DIP2B: variants seen among roughly 807,000 people sequenced by gnomAD.
DIP2B encodes DIP2 acetate--CoA ligase B (putative).
Under a neutral mutation model 198.0 loss-of-function variants are expected in DIP2B, and 76 were observed. The ratio of observed to expected loss-of-function variants is 0.38; its 90% CI spans 0.32 to 0.46. DIP2B has a LOEUF of 0.46. DIP2B is among the 20% of genes least tolerant of loss of function. The pLI is 0.99. For synonymous variants in DIP2B, 701 were observed against 739.1 expected, an observed-to-expected ratio of 0.95 and a Z score of 0.84; for missense variants, 1,559 against 1,978.4, an observed-to-expected ratio of 0.79 and a Z score of 4.02.
chr12:50,735,198 G>GGGCCGGGCGCGGTGGCTCACGCCTGT, intron 34 of DIP2B, 68 bp downstream of exon 34: 1 of 1,563,208 alleles, frequency 6.4e-7, no homozygotes, highest in Admixed American at 1.7e-5. Context: ...AAAGAAACCA[G>GGGCCGGGCGCGGTGGCTCACGCCTGT]AAGCCATATA....
chr12:50,552,750 T>C (rs950759308), intron 1 of DIP2B, among the ~76,000 whole-genome samples: 2 of 152,154 alleles, frequency 1.3e-5, no homozygotes, highest in Non-Finnish European at 2.9e-5. Flanking sequence ...ATTATTAAGC[T>C]TTTCTTCCAT....
Position 50,716,296 on chromosome 12 carries a change from A to G in DIP2B, c.2851+1700A>G, listed in dbSNP as rs541095665. Among the ~76,000 whole-genome samples the G allele has an allele frequency of 6.6e-5, 10 of 152,330 alleles. No homozygotes were observed. In the South Asian group the frequency reaches 1.2e-3, roughly 19 times the overall value. On this transcript the variant is annotated intron_variant, in intron 23 of 37. Coordinates refer to ENST00000301180, the MANE Select transcript of DIP2B (RefSeq NM_173602.3). ...CTTTGTAGACTAAAACTGTTCACCAATTGGAATACTTTATCTTTTTTGAGT... is the reference window on the plus strand; with the variant it reads ...CTTTGTAGACTAAAACTGTTCACCAGTTGGAATACTTTATCTTTTTTGAGT...
chr12:50,621,309 T>G (rs1937806764), intron 1 of DIP2B, among the ~76,000 whole-genome samples: 1 of 152,250 alleles, frequency 6.6e-6, no homozygotes, highest in African/African-American at 2.4e-5. Flanking sequence ...TATTCCTCTC[T>G]TCAGGCAGTC....
chr12:50,698,258 C>T, intron 17 of DIP2B, 70 bp from the exon 18 acceptor site: 2 of 1,517,268 alleles, frequency 1.3e-6, no homozygotes, highest in South Asian at 2.7e-5. Flanking sequence ...GGAAATTTGT[C>T]TTCCTATGTA....
intron 3 of DIP2B, among the ~76,000 whole-genome samples, chr12:50,658,854 C>A (rs892675596): frequency 6.6e-6 from 1 of 151,920 alleles, no homozygotes; most frequent in Non-Finnish European, 1.5e-5. Flanking sequence ...TTTAGTAGGC[C>A]GAGGCGGGCA....
intron 30 of DIP2B, among the ~76,000 whole-genome samples, chr12:50,730,012 C>T (rs2139596351): frequency 6.6e-6 from 1 of 152,310 alleles, no homozygotes; most frequent in Non-Finnish European, 1.5e-5. Flanking sequence ...TGTGAGCCAC[C>T]ACACCCAGTC....
intron 1 of DIP2B, among the ~76,000 whole-genome samples, chr12:50,584,280 A>G (rs1232496160): frequency 6.6e-6 from 1 of 152,146 alleles, no homozygotes; most frequent in African/African-American, 2.4e-5. Context: ...TTTTCATTTT[A>G]GCAAATGGAC....
chr12:50,660,130 A>G lies in DIP2B; in HGVS notation c.302-64A>G, dbSNP rs549169348. On this transcript the variant is annotated intron_variant, in intron 3 of 37. Transcript: ENST00000301180. ...TAAACAATTGAGGCAGTGATAGTTC[A>G]GCTCACAGTGGTAAACACTTTCAAG... 2.2e-5 allele frequency: 31 copies of G among 1,399,992 alleles called. No individual in the cohort carries two copies. The Admixed American group carries it at 5.6e-4, about 25-fold the overall frequency. 86.7% of individuals were successfully genotyped at this position (1,399,992 alleles called of 1,614,324 possible).
At chr12:50,697,276 A>G in intron 17 of DIP2B, 101 bp downstream of exon 17, 3 of 965,932 alleles carry the variant, frequency 3.1e-6, no homozygotes, top group Non-Finnish European at 1.5e-6. Context: ...CTAATTTTCT[A>G]AGCAGTTTCA....
At chr12:50,593,704 T>C (rs1958840851) in intron 1 of DIP2B, among the ~76,000 whole-genome samples, 6 of 43,986 alleles carry the variant, frequency 1.4e-4, no homozygotes, top group East Asian at 1.8e-3. Context: ...TCCTCTCCTC[T>C]CCCCTCCTCT....
At chr12:50,577,307 G>A (rs1427110949) in intron 1 of DIP2B, among the ~76,000 whole-genome samples, 1 of 151,972 alleles carries the variant, frequency 6.6e-6, no homozygotes, top group Non-Finnish European at 1.5e-5. Flanking sequence ...CGAGGCGGGC[G>A]GATCACGAGG....
intron 3 of DIP2B, among the ~76,000 whole-genome samples, chr12:50,648,699 C>G (rs986199597): frequency 2.4e-5 from 3 of 123,214 alleles, no homozygotes; most frequent in African/African-American, 5.5e-5. Flanking sequence ...GTTGTTCTTC[C>G]CCCCCCCCTC....
intron 12 of DIP2B, among the ~76,000 whole-genome samples, chr12:50,688,836 T>C (rs1939174969): frequency 6.6e-6 from 1 of 152,198 alleles, no homozygotes; most frequent in Non-Finnish European, 1.5e-5. Context: ...TTGTCTTTAT[T>C]GGCTCTCCGA....
intron 2 of DIP2B, among the ~76,000 whole-genome samples, 162 bp from the exon 3 acceptor site, chr12:50,640,562 G>A (rs1938237917): frequency 6.6e-6 from 1 of 152,134 alleles, no homozygotes; most frequent in South Asian, 2.1e-4. Context: ...TAGTTTGGAT[G>A]TCTTTGCATC....
intron 1 of DIP2B, among the ~76,000 whole-genome samples, chr12:50,556,065 T>A (rs544805998): frequency 5.3e-4 from 80 of 152,056 alleles, no homozygotes; most frequent in African/African-American, 1.9e-3. Context: ...TTGTTTTTTT[T>A]CCCCCCAAGA....
intron 22 of DIP2B, among the ~76,000 whole-genome samples, chr12:50,713,363 GCTAA>G (rs1939654601): frequency 1.3e-5 from 2 of 152,324 alleles, no homozygotes; most frequent in South Asian, 4.1e-4. Flanking sequence ...TTTTTTAGGA[GCTAA>G]CTTTTAGTGT....
At chr12:50,560,708 G>T (rs756480071) in intron 1 of DIP2B, among the ~76,000 whole-genome samples, 8 of 152,084 alleles carry the variant, frequency 5.3e-5, no homozygotes, top group Non-Finnish European at 1.2e-4. Flanking sequence ...CTGAGGTTGC[G>T]CCACTGCGCT....
intron 1 of DIP2B, among the ~76,000 whole-genome samples, chr12:50,578,737 T>C (rs1300737629): frequency 6.6e-6 from 1 of 151,624 alleles, no homozygotes; most frequent in African/African-American, 2.4e-5. Flanking sequence ...CTCGATCTCC[T>C]GACCTCGTGA....
chr12:50,538,455 C>T (rs972357442), intron 1 of DIP2B, among the ~76,000 whole-genome samples: 13 of 152,036 alleles, frequency 8.6e-5, no homozygotes, highest in Admixed American at 4.6e-4. Context: ...ACCCCACCTC[C>T]GTGCCCAGTC....
Sources: allele counts gnomAD v4.1 joint callset (sites outside exome capture counted in the v4.1 genomes callset), GRCh38; gene constraint gnomAD v4.1.1; transcripts MANE v1.5; gene names NCBI Gene and HGNC (gene_info 2026-07-23, HGNC 2026-07-21).